Variants in EYA1 observed in about 807,000 individuals in gnomAD.
EYA1 encodes protein phosphatase EYA1.
Under a neutral mutation model 82.0 loss-of-function variants are expected in EYA1, and 16 were observed. That is an observed-to-expected ratio of 0.20 (90% confidence interval 0.13 to 0.30). The LOEUF (loss-of-function observed/expected upper bound fraction) is 0.30, where lower values mean the gene tolerates loss of function less well. Among genes scored for constraint, EYA1 ranks in the 10% least tolerant of loss-of-function variants. The pLI is 1.00. For missense variants in EYA1, 633 were observed against 730.7 expected, an observed-to-expected ratio of 0.87 and a Z score of 1.54; for synonymous variants, 261 against 264.4, an observed-to-expected ratio of 0.99 and a Z score of 0.12.
chr8:71,530,100 C>T lies in EYA1; in HGVS notation c.33+5644G>A, dbSNP rs1320124803. On this transcript the variant is annotated intron_variant, in intron 2 of 18. Transcript: ENST00000643681. ...ACTTTATTTGGAAATAGGGTCTTTA[C>T]AAGAAGTAATCAAATTAAGATGAGG... Among the ~76,000 whole-genome samples, 3 of 152,186 alleles carry T rather than the reference C, an allele frequency of 2.0e-5. No individual in the cohort carries two copies. In the South Asian group the frequency reaches 6.2e-4, roughly 32 times the overall value.
chr8:71,398,053 T>C (rs1354928369), intron 2 of EYA1, among the ~76,000 whole-genome samples: 1 of 152,212 alleles, frequency 6.6e-6, no homozygotes, highest in Non-Finnish European at 1.5e-5. Context: ...TTTCAATCAC[T>C]GACACCCTGT....
In EYA1 at chr8:71,297,211, G is replaced by A. The variant is rs151101847; in HGVS notation, c.826+1836C>T. Among the ~76,000 whole-genome samples, 377 of 152,138 alleles carry A rather than the reference G, an allele frequency of 2.5e-3. 1 individual carries two copies. Among genetic ancestry groups the A allele is most frequent in the African/African-American group, 8.8e-3 (364 of 41,530 alleles). ...TCATTCACTCTTAAAACCATGGACC[G>A]ATTTTGAAATTAGAATTTTTCATTG... On this transcript the variant is annotated intron_variant, in intron 9 of 17. Transcript: ENST00000340726.
At chr8:71,492,234 G>A (rs751888171) in intron 2 of EYA1, among the ~76,000 whole-genome samples, 82 of 152,292 alleles carry the variant, frequency 5.4e-4, no homozygotes, top group Non-Finnish European at 8.5e-4. Flanking sequence ...AGGGAGTGGC[G>A]CGTCTGAAGG....
intron 10 of EYA1, 89 bp downstream of exon 10, chr8:71,271,669 A>G: frequency 7.0e-7 from 1 of 1,419,566 alleles, no homozygotes; most frequent in Non-Finnish European, 1.0e-6. Flanking sequence ...TGATACCTTA[A>G]CCACTGCTGT....
intron 7 of EYA1, among the ~76,000 whole-genome samples, chr8:71,306,823 G>A (rs576318686): frequency 5.9e-5 from 9 of 152,164 alleles, no homozygotes; most frequent in Non-Finnish European, 1.0e-4. Context: ...CTCTCCATTA[G>A]ACCAGTACTA....
chr8:71,254,243 CAAAAAAAAA>C (rs56047377), intron 11 of EYA1, among the ~76,000 whole-genome samples: 3 of 51,460 alleles, frequency 5.8e-5, no homozygotes, highest in African/African-American at 1.6e-4. Flanking sequence ...AAGTCTTGGC[CAAAAAAAAA>C]AAAAAAAAAA....
intron 2 of EYA1, among the ~76,000 whole-genome samples, chr8:71,378,309 T>A (rs1273575605): frequency 6.6e-6 from 1 of 152,120 alleles, no homozygotes; most frequent in East Asian, 1.9e-4. Context: ...GGAAGAGAAG[T>A]ACCTTCTAGT....
chr8:71,382,362 T>A (rs180823909), intron 2 of EYA1, among the ~76,000 whole-genome samples: 305 of 152,126 alleles, frequency 2.0e-3, no homozygotes, highest in African/African-American at 7.1e-3. Flanking sequence ...AGAAAATATC[T>A]CAAAATTCGC....
chr8:71,300,307 T>C (rs1190425018), intron 7 of EYA1, among the ~76,000 whole-genome samples: 1 of 152,198 alleles, frequency 6.6e-6, no homozygotes, highest in African/African-American at 2.4e-5. Context: ...GTTCTGTCTG[T>C]TGAATGTCCA....
At chr8:71,475,650 A>G (rs1052090175) in intron 2 of EYA1, among the ~76,000 whole-genome samples, 2 of 152,216 alleles carry the variant, frequency 1.3e-5, no homozygotes, top group African/African-American at 4.8e-5. Flanking sequence ...TAGACCAAGG[A>G]AAAAATTTTG....
chr8:71,216,482 C>T (rs2128853088), intron 14 of EYA1, among the ~76,000 whole-genome samples: 2 of 152,244 alleles, frequency 1.3e-5, no homozygotes, highest in South Asian at 4.2e-4. Context: ...CACTAGGTAA[C>T]AGAGACAGGA....
intron 2 of EYA1, among the ~76,000 whole-genome samples, chr8:71,383,333 A>T (rs1828813861): frequency 6.6e-6 from 1 of 152,112 alleles, no homozygotes; most frequent in African/African-American, 2.4e-5. Context: ...TTCTAGATAT[A>T]TCCTCTAGAG....
At chr8:71,369,317 A>T (rs1827956122) in intron 2 of EYA1, among the ~76,000 whole-genome samples, 1 of 151,848 alleles carries the variant, frequency 6.6e-6, no homozygotes, top group Non-Finnish European at 1.5e-5. Flanking sequence ...TTGAAATGCT[A>T]TTCTTTTCCT....
At chr8:71,526,632 GTGCCCCTCC>G in intron 2 of EYA1, among the ~76,000 whole-genome samples, 2 of 152,208 alleles carry the variant, frequency 1.3e-5, no homozygotes, top group African/African-American at 4.8e-5. Flanking sequence ...CTGGCCACAT[GTGCCCCTCC>G]ACAGGGATGC....
intron 2 of EYA1, among the ~76,000 whole-genome samples, chr8:71,457,894 AT>A (rs1808074798): frequency 6.6e-6 from 1 of 152,144 alleles, no homozygotes; most frequent in East Asian, 1.9e-4. Flanking sequence ...AAAAAAAAGA[AT>A]TAGCATATGC....
intron 2 of EYA1, among the ~76,000 whole-genome samples, chr8:71,415,126 TA>T (rs1830788241): frequency 1.3e-5 from 2 of 152,182 alleles, no homozygotes; most frequent in South Asian, 4.1e-4. Context: ...ACCGGCAATA[TA>T]AAGGAAACTG....
rs372199359 is a variant in EYA1 at position 71,394,657 on chromosome 8, G to C, written c.34-38146C>G. On this transcript the variant is annotated intron_variant, in intron 2 of 18. Transcript: ENST00000643681. ...TTCTGTTCTATTGGTCTATATATCT[G>C]TTTTGGTACCAGTACCATGCTGGTT... 2.2e-4 allele frequency among the ~76,000 whole-genome samples: 33 copies of C among 152,240 alleles called. No homozygotes were observed. The South Asian group carries it at 6.8e-3, about 32-fold the overall frequency.
chr8:71,498,527 A>G (rs1006797806), intron 2 of EYA1, among the ~76,000 whole-genome samples: 4 of 152,136 alleles, frequency 2.6e-5, no homozygotes, highest in Admixed American at 2.6e-4. Flanking sequence ...ATAAAAGAGG[A>G]AGAAGAGCAT....
chr8:71,388,747 T>C (rs971494396), intron 2 of EYA1, among the ~76,000 whole-genome samples: 1 of 152,198 alleles, frequency 6.6e-6, no homozygotes, highest in Non-Finnish European at 1.5e-5. Flanking sequence ...CAGGTCTTTC[T>C]TGGCTCAGCA....
Sources: allele counts gnomAD v4.1 joint callset (sites outside exome capture counted in the v4.1 genomes callset), GRCh38; gene constraint gnomAD v4.1.1; transcripts MANE v1.5; gene names NCBI Gene and HGNC (gene_info 2026-07-23, HGNC 2026-07-21).